Variants in DOK6 observed in about 807,000 individuals in gnomAD.
DOK6 encodes the protein downstream of tyrosine kinase 6.
Under a neutral mutation model 44.0 loss-of-function variants are expected in DOK6, and 22 were observed. That is an observed-to-expected ratio of 0.50 (90% CI 0.36 to 0.71). The LOEUF (loss-of-function observed/expected upper bound fraction) is 0.71. DOK6 is among the 30% of genes least tolerant of loss of function. The pLI is 0.00. For missense variants in DOK6, 340 were observed against 416.4 expected, an observed-to-expected ratio of 0.82 and a Z score of 1.60; for synonymous variants, 166 against 145.5, an observed-to-expected ratio of 1.14 and a Z score of -1.01.
chr18:69,464,907 C>T (rs1979883215), intron 1 of DOK6, among the ~76,000 whole-genome samples: 1 of 152,170 alleles, frequency 6.6e-6, no homozygotes, highest in South Asian at 2.1e-4. Flanking sequence ...TCACACTTTT[C>T]AAAGTAAATC....
intron 5 of DOK6, among the ~76,000 whole-genome samples, chr18:69,701,218 G>A (rs892376578): frequency 6.6e-6 from 1 of 152,190 alleles, no homozygotes; most frequent in Non-Finnish European, 1.5e-5. Flanking sequence ...CACCTAGTGT[G>A]GGGCAGAAGG....
chr18:69,767,747 G>C (rs1370958478), intron 7 of DOK6, among the ~76,000 whole-genome samples: 1 of 152,176 alleles, frequency 6.6e-6, no homozygotes, highest in Admixed American at 6.5e-5. Context: ...CTCTCTCACA[G>C]TGCATTCTAC....
intron 1 of DOK6, among the ~76,000 whole-genome samples, chr18:69,429,273 A>C (rs985483358): frequency 3.3e-5 from 5 of 152,092 alleles, no homozygotes; most frequent in Non-Finnish European, 5.9e-5. Flanking sequence ...ATTCCTGTGA[A>C]TTGAAGATGT....
chr18:69,619,368 G>A (rs1342535100), intron 3 of DOK6, among the ~76,000 whole-genome samples: 1 of 152,170 alleles, frequency 6.6e-6, no homozygotes, highest in Admixed American at 6.5e-5. Context: ...TCTGTGAATA[G>A]GTTAATCCCA....
chr18:69,466,910 T>C lies in DOK6; in HGVS notation c.66+65600T>C, dbSNP rs191431018. Among the ~76,000 whole-genome samples the C allele has an allele frequency of 4.6e-4, 70 of 152,276 alleles. No homozygotes were observed. In the East Asian group the frequency reaches 0.012, roughly 27 times the overall value. The stretch of plus-strand genomic sequence containing the variant: ...TTGAATAATCCAAGTTACTTTTATA[T>C]TGATACTGGGAGAAATAGTAACTTT... On this transcript the variant is annotated intron_variant, in intron 1 of 7. Coordinates refer to ENST00000382713, the MANE Select transcript of DOK6 (RefSeq NM_152721.6).
chr18:69,452,285 C>T (rs912917263), intron 1 of DOK6, among the ~76,000 whole-genome samples: 6 of 150,914 alleles, frequency 4.0e-5, no homozygotes, highest in Admixed American at 3.3e-4. Flanking sequence ...CTACAAACAC[C>T]TCTACGCAAA....
intron 3 of DOK6, among the ~76,000 whole-genome samples, chr18:69,610,846 T>G (rs997887308): frequency 1.3e-5 from 2 of 152,130 alleles, no homozygotes; most frequent in African/African-American, 4.8e-5. Context: ...TGTAAGAGAT[T>G]TGAGCATTCA....
At chr18:69,756,618 G>A (rs770773000) in intron 6 of DOK6, among the ~76,000 whole-genome samples, 1 of 152,120 alleles carries the variant, frequency 6.6e-6, no homozygotes, top group African/African-American at 2.4e-5. Flanking sequence ...GGCCTTGAAC[G>A]ACCTGGTGTG....
chr18:69,479,073 T>TAA, intron 1 of DOK6, among the ~76,000 whole-genome samples: 2 of 148,158 alleles, frequency 1.3e-5, no homozygotes, highest in Non-Finnish European at 3.0e-5. Context: ...GAAGGATGCT[T>TAA]GCATTGGGAG....
intron 5 of DOK6, among the ~76,000 whole-genome samples, chr18:69,701,367 G>A (rs1364847367): frequency 1.3e-5 from 2 of 152,198 alleles, no homozygotes; most frequent in African/African-American, 4.8e-5. Context: ...TTTAAAGGTA[G>A]AAACAACCAA....
At chr18:69,705,313 T>A (rs1009073207) in intron 5 of DOK6, 1 of 152,214 alleles carries the variant, frequency 6.6e-6, no homozygotes. Context: ...AGATTTCTTG[T>A]GTATTTAGTG....
intron 3 of DOK6, among the ~76,000 whole-genome samples, chr18:69,606,202 G>A (rs762703595): frequency 2.0e-5 from 3 of 151,810 alleles, no homozygotes; most frequent in Non-Finnish European, 2.9e-5. Context: ...AACCCGGAAG[G>A]CAGAGGTTGC....
In DOK6 at chr18:69,754,301, C is replaced by T. The variant is rs560443562; in HGVS notation, c.739-3455C>T. Among the ~76,000 whole-genome samples, 22 of 140,598 alleles carry T rather than the reference C, an allele frequency of 1.6e-4. No individual in the cohort carries two copies. The South Asian group carries it at 4.4e-3, about 28-fold the overall frequency. 92.2% of individuals were successfully genotyped at this position (140,598 alleles called of 152,430 possible). ...CTTGGGAGGCGGAGATTGCAGTGAG[C>T]GAAGATTGCACCACACTCCAGCCTG... On this transcript the variant is annotated intron_variant, in intron 6 of 7. Coordinates refer to ENST00000382713, the MANE Select transcript of DOK6 (RefSeq NM_152721.6).
intron 1 of DOK6, among the ~76,000 whole-genome samples, chr18:69,489,888 A>C (rs1011785685): frequency 7.2e-5 from 11 of 151,964 alleles, no homozygotes; most frequent in Middle Eastern, 6.8e-3. Flanking sequence ...TAGGAAGAAC[A>C]GTTTTGAAGT....
intron 6 of DOK6, among the ~76,000 whole-genome samples, chr18:69,751,898 A>G (rs912137021): frequency 6.6e-6 from 1 of 152,166 alleles, no homozygotes; most frequent in Admixed American, 6.5e-5. Flanking sequence ...TACACAAGCA[A>G]TACTTTATGT....
At chr18:69,802,645 A>G (rs1980936291) in intron 7 of DOK6, among the ~76,000 whole-genome samples, 1 of 152,082 alleles carries the variant, frequency 6.6e-6, no homozygotes, top group Non-Finnish European at 1.5e-5. Flanking sequence ...CTGAGTTCAC[A>G]CGAAATCAGG....
intron 2 of DOK6, among the ~76,000 whole-genome samples, chr18:69,570,331 T>C (rs2144602456): frequency 6.6e-6 from 1 of 152,226 alleles, no homozygotes; most frequent in South Asian, 2.1e-4. Flanking sequence ...GTAGGATTAA[T>C]AGCAGGAAGA....
chr18:69,789,048 T>C (rs907262420), intron 7 of DOK6, among the ~76,000 whole-genome samples: 1 of 152,240 alleles, frequency 6.6e-6, no homozygotes, highest in Non-Finnish European at 1.5e-5. Context: ...AGATAAATGA[T>C]GTTTTGTTAT....
chr18:69,791,676 G>C (rs1319820937), intron 7 of DOK6, among the ~76,000 whole-genome samples: 2 of 152,066 alleles, frequency 1.3e-5, no homozygotes, highest in Non-Finnish European at 2.9e-5. Flanking sequence ...TGGGGAGTTT[G>C]CAGATATTTT....
Sources: gnomAD v4.1 joint callset for allele counts (sites outside exome capture counted in the v4.1 genomes callset) on GRCh38, gnomAD v4.1.1 for gene constraint, MANE v1.5 for transcripts, NCBI Gene and HGNC (gene_info 2026-07-23, HGNC 2026-07-21) for gene names.